TENM2: variants seen among roughly 807,000 people sequenced by gnomAD.
TENM2 encodes teneurin transmembrane protein 2.
In TENM2, 52 loss-of-function variants were observed where a neutral mutation model predicts 245.2. The ratio of observed to expected loss-of-function variants is 0.21; its 90% confidence interval spans 0.17 to 0.27. The LOEUF (loss-of-function observed/expected upper bound fraction) is 0.27. Among genes scored for constraint, TENM2 ranks in the 10% least tolerant of loss-of-function variants. The pLI, the probability that TENM2 is intolerant of heterozygous loss-of-function variation, is 1.00. For synonymous variants in TENM2, 1,363 were observed against 1,438.9 expected, an observed-to-expected ratio of 0.95 and a Z score of 1.19; for missense variants, 3,046 against 3,666.8, an observed-to-expected ratio of 0.83 and a Z score of 4.37.
chr5:167,560,991 A>G (rs1006996860), intron 2 of TENM2, among the ~76,000 whole-genome samples: 5 of 152,208 alleles, frequency 3.3e-5, no homozygotes, highest in African/African-American at 4.8e-5. Flanking sequence ...CAGCCCCACA[A>G]CAAGCCATGA....
intron 2 of TENM2, among the ~76,000 whole-genome samples, chr5:167,418,054 G>A (rs1190270046): frequency 1.3e-5 from 2 of 152,190 alleles, no homozygotes; most frequent in Non-Finnish European, 2.9e-5. Flanking sequence ...GGAGAGCTGG[G>A]CACGGTGGCT....
intron 4 of TENM2, among the ~76,000 whole-genome samples, chr5:167,966,551 G>A (rs975623833): frequency 2.6e-5 from 4 of 152,190 alleles, no homozygotes; most frequent in African/African-American, 9.7e-5. Flanking sequence ...TAATCTGGAT[G>A]CCTTATTGGT....
At chr5:168,198,029 G>A (rs377184701) in intron 15 of TENM2, among the ~76,000 whole-genome samples, 2 of 152,056 alleles carry the variant, frequency 1.3e-5, no homozygotes, top group African/African-American at 2.4e-5. Flanking sequence ...TGCTTTACAC[G>A]AGTGGCCAGC....
intron 2 of TENM2, among the ~76,000 whole-genome samples, chr5:167,826,862 T>C (rs1185094907): frequency 6.6e-6 from 1 of 152,244 alleles, no homozygotes; most frequent in Admixed American, 6.5e-5. Context: ...ACCTGGCACG[T>C]GCAATGGTTA....
chr5:168,052,239 AAGTT>A (rs1344914708), intron 6 of TENM2, among the ~76,000 whole-genome samples: 3 of 152,030 alleles, frequency 2.0e-5, no homozygotes, highest in Admixed American at 2.0e-4. Flanking sequence ...TACAAAAAAA[AAGTT>A]AGCCAGGCGG....
chr5:168,035,174 A>T (rs997289908), intron 5 of TENM2, among the ~76,000 whole-genome samples: 8 of 152,250 alleles, frequency 5.3e-5, no homozygotes, highest in African/African-American at 1.7e-4. Context: ...TAGTATTAAA[A>T]TTTTTTTACT....
At chr5:168,197,446 A>C (rs1422888057) in intron 15 of TENM2, among the ~76,000 whole-genome samples, 1 of 152,192 alleles carries the variant, frequency 6.6e-6, no homozygotes, top group African/African-American at 2.4e-5. Context: ...CACATCTGTA[A>C]TCCCAGCACC....
intron 2 of TENM2, among the ~76,000 whole-genome samples, chr5:167,483,423 T>C (rs1211373101): frequency 1.3e-5 from 2 of 152,194 alleles, no homozygotes; most frequent in African/African-American, 4.8e-5. Flanking sequence ...GTGTATTTTC[T>C]GTGTGGGTAT....
At chr5:167,594,988 G>A (rs1191593209) in intron 2 of TENM2, among the ~76,000 whole-genome samples, 2 of 152,154 alleles carry the variant, frequency 1.3e-5, no homozygotes, top group Admixed American at 1.3e-4. Context: ...ATCTTCTAAT[G>A]GTCCTGCAAC....
At chr5:168,209,279 A>T (rs1328377385) in intron 19 of TENM2, among the ~76,000 whole-genome samples, 1 of 152,220 alleles carries the variant, frequency 6.6e-6, no homozygotes, top group Non-Finnish European at 1.5e-5. Flanking sequence ...TGGAGTGAAT[A>T]ATCTAAATAG....
chr5:167,931,579 C>T (rs948497407), intron 3 of TENM2, among the ~76,000 whole-genome samples: 31 of 139,786 alleles, frequency 2.2e-4, no homozygotes, highest in African/African-American at 7.7e-4. Context: ...AAACAAGAAA[C>T]ATCTCTTGGA....
intron 2 of TENM2, among the ~76,000 whole-genome samples, chr5:167,847,091 C>T (rs1179886852): frequency 6.6e-6 from 1 of 152,142 alleles, no homozygotes; most frequent in Non-Finnish European, 1.5e-5. Flanking sequence ...CAAGTGGCTA[C>T]GAGTATGCAC....
At chr5:168,236,579 C>T (rs113099127) in intron 25 of TENM2, among the ~76,000 whole-genome samples, 3 of 152,142 alleles carry the variant, frequency 2.0e-5, no homozygotes, top group African/African-American at 7.2e-5. Flanking sequence ...GGTTCCACAT[C>T]CTTCCTCACT....
intron 27 of TENM2, among the ~76,000 whole-genome samples, chr5:168,259,085 C>T (rs1767949767): frequency 6.6e-6 from 1 of 152,000 alleles, no homozygotes; most frequent in African/African-American, 2.4e-5. Flanking sequence ...ACTCAGGAGG[C>T]TGAGTGAGTG....
At chr5:167,035,043 A>G in the TENM2 span, among the ~76,000 whole-genome samples, 7 of 152,190 alleles carry the variant, frequency 4.6e-5, no homozygotes, top group African/African-American at 1.7e-4. Flanking sequence ...CAGTCTTTGC[A>G]TTCAGGTACC....
At chr5:167,141,565 A>G in the TENM2 span, among the ~76,000 whole-genome samples, 2 of 152,168 alleles carry the variant, frequency 1.3e-5, no homozygotes. Context: ...AGATTGTTTA[A>G]ATAACCATCA....
intron 9 of TENM2, among the ~76,000 whole-genome samples, chr5:168,102,123 G>C (rs1303616358): frequency 6.6e-6 from 1 of 152,130 alleles, no homozygotes; most frequent in Non-Finnish European, 1.5e-5. Context: ...GCCCAGGCTG[G>C]AGTGTAATGG....
the TENM2 span, among the ~76,000 whole-genome samples, chr5:167,257,369 C>A: frequency 6.6e-6 from 1 of 151,936 alleles, no homozygotes; most frequent in African/African-American, 2.4e-5. Context: ...ATAATTCACT[C>A]TCCTATTTTT....
the TENM2 span, among the ~76,000 whole-genome samples, chr5:167,145,187 T>C: frequency 1.3e-5 from 2 of 152,186 alleles, no homozygotes; most frequent in Admixed American, 6.5e-5. Flanking sequence ...CCTTTTACCA[T>C]GTAAGGTAAC....
Sources: allele counts gnomAD v4.1 joint callset (sites outside exome capture counted in the v4.1 genomes callset), GRCh38; gene constraint gnomAD v4.1.1; transcripts MANE v1.5; gene names NCBI Gene and HGNC (gene_info 2026-07-23, HGNC 2026-07-21).